The following STXBP4 variants were observed in gnomAD, a reference collection of about 807,000 sequenced individuals.
The protein encoded by STXBP4 is syntaxin binding protein 4.
Under a neutral mutation model 76.1 loss-of-function variants are expected in STXBP4, and 55 were observed. The ratio of observed to expected loss-of-function variants is 0.72; its 90% CI spans 0.58 to 0.91. The LOEUF (loss-of-function observed/expected upper bound fraction) is 0.91. Ranked by LOEUF, STXBP4 falls within the 40% of genes least tolerant of loss-of-function variation. The pLI, the probability that STXBP4 is intolerant of heterozygous loss-of-function variation, is 0.00. For missense variants in STXBP4, 618 were observed against 636.9 expected, an observed-to-expected ratio of 0.97 and a Z score of 0.32; for synonymous variants, 201 against 220.2, an observed-to-expected ratio of 0.91 and a Z score of 0.77.
At chr17:55,043,859 G>C in intron 11 of STXBP4, 1 of 549,254 alleles carries the variant, frequency 1.8e-6, no homozygotes, top group East Asian at 3.1e-5. Context: ...TTTTTGTTTT[G>C]TGTTTTTGAG....
intron 8 of STXBP4, among the ~76,000 whole-genome samples, chr17:55,012,996 A>C (rs570683084): frequency 2.0e-5 from 3 of 152,240 alleles, no homozygotes; most frequent in Non-Finnish European, 4.4e-5. Context: ...CTGATATTTA[A>C]GTAAACGGTT....
intron 13 of STXBP4, among the ~76,000 whole-genome samples, chr17:55,074,448 T>C (rs894417810): frequency 1.3e-5 from 2 of 152,198 alleles, no homozygotes; most frequent in African/African-American, 4.8e-5. Flanking sequence ...AGTAGATATG[T>C]GATAATGTTA....
chr17:55,103,280 T>C (rs2079588123), intron 16 of STXBP4, among the ~76,000 whole-genome samples: 1 of 152,254 alleles, frequency 6.6e-6, no homozygotes, highest in South Asian at 2.1e-4. Context: ...TATTTAAGTC[T>C]TTAATCCATC....
At chr17:54,988,962 G>A (rs188333292) in intron 3 of STXBP4, among the ~76,000 whole-genome samples, 74 of 152,112 alleles carry the variant, frequency 4.9e-4, no homozygotes, top group African/African-American at 1.7e-3. Flanking sequence ...AGTCAAAAAC[G>A]GAGTTCTATG....
chr17:55,200,884 C>T, the STXBP4 span, among the ~76,000 whole-genome samples: 4 of 152,146 alleles, frequency 2.6e-5, no homozygotes, highest in Non-Finnish European at 4.4e-5. Flanking sequence ...TAAACAAAGA[C>T]AATGGAAGAG....
At chr17:54,994,301 A>G (rs2077763392) in intron 4 of STXBP4, among the ~76,000 whole-genome samples, 1 of 152,170 alleles carries the variant, frequency 6.6e-6, no homozygotes. Context: ...TCCCTGATCA[A>G]CATTTTTACT....
intron 12 of STXBP4, among the ~76,000 whole-genome samples, chr17:55,070,272 A>C (rs1030930344): frequency 1.3e-5 from 2 of 152,136 alleles, no homozygotes; most frequent in African/African-American, 4.8e-5. Flanking sequence ...GTGTGGATTA[A>C]CTGAGTTGAT....
chr17:55,098,806 T>G (rs1166094433), intron 16 of STXBP4, among the ~76,000 whole-genome samples: 2 of 152,208 alleles, frequency 1.3e-5, no homozygotes, highest in Non-Finnish European at 2.9e-5. Flanking sequence ...GCACTTTATT[T>G]TTTGTTTGTT....
chr17:55,209,729 G>A, the STXBP4 span, among the ~76,000 whole-genome samples: 5 of 152,152 alleles, frequency 3.3e-5, no homozygotes, highest in African/African-American at 7.2e-5. Context: ...TGGACAACAG[G>A]GGACTTCATG....
intron 17 of STXBP4, among the ~76,000 whole-genome samples, chr17:55,151,472 T>C (rs1327496741): frequency 6.6e-6 from 1 of 152,208 alleles, no homozygotes; most frequent in Admixed American, 6.5e-5. Context: ...AAATGAATGA[T>C]CTCAATATTA....
intron 17 of STXBP4, among the ~76,000 whole-genome samples, chr17:55,143,353 T>C: frequency 6.6e-6 from 1 of 152,220 alleles, no homozygotes; most frequent in Non-Finnish European, 1.5e-5. Context: ...GAAATGTCAG[T>C]AAATGAGTCT....
At position 55,048,625 on chromosome 17, in the gene STXBP4, A is replaced by C. The variant is rs367593040; in HGVS notation, c.1011+1471A>C. On this transcript the variant is annotated intron_variant, in intron 12 of 17. Coordinates refer to ENST00000376352, the MANE Select transcript of STXBP4 (RefSeq NM_178509.6). ...GTAATAATAGATATTGATCACCCCC[A>C]AAAAAATCAGGAAAAAGTGAAATGA... Among the ~76,000 whole-genome samples the C allele has an allele frequency of 7.7e-3, 704 of 90,950 alleles. 7 individuals are homozygous for C. Among genetic ancestry groups the C allele is most frequent in the African/African-American group, 0.021 (669 of 32,124 alleles). The allele number at this position is 90,950 out of a possible 152,430, so 59.7% of individuals were successfully genotyped here.
intron 1 of STXBP4, among the ~76,000 whole-genome samples, chr17:54,982,349 A>G (rs1476530562): frequency 6.6e-6 from 1 of 152,148 alleles, no homozygotes; most frequent in Non-Finnish European, 1.5e-5. Flanking sequence ...TTTTAATGAG[A>G]TCATAAGTAA....
chr17:55,079,611 A>G (rs988888958), intron 15 of STXBP4, among the ~76,000 whole-genome samples: 1 of 151,780 alleles, frequency 6.6e-6, no homozygotes, highest in African/African-American at 2.4e-5. Flanking sequence ...AAAAAAAAAA[A>G]AAAAGAAATA....
chr17:55,055,944 A>G (rs945708727), intron 12 of STXBP4, among the ~76,000 whole-genome samples: 3 of 152,204 alleles, frequency 2.0e-5, no homozygotes, highest in Non-Finnish European at 2.9e-5. Context: ...TCTCTGATTT[A>G]TCTTACAACA....
intron 17 of STXBP4, among the ~76,000 whole-genome samples, chr17:55,151,663 C>T (rs767952006): frequency 3.9e-5 from 6 of 152,118 alleles, no homozygotes; most frequent in Middle Eastern, 6.3e-3. Context: ...ATCACTTCTA[C>T]GGTTTAGGGA....
rs1409585296 is a variant in STXBP4 at position 55,168,440 on chromosome 17, G to C, written c.*8529G>C. ...ACTGTTCATTGATTGTATTTCTTCT[G>C]TCTCTATAAGTACCATATTCCCAAT... On this transcript the variant is annotated 3_prime_UTR_variant, in exon 18 of 18. Coordinates refer to ENST00000376352, the MANE Select transcript of STXBP4 (RefSeq NM_178509.6). 1 of 151,912 alleles carries C rather than the reference G, an allele frequency of 6.6e-6. No homozygotes were observed. The highest frequency in any genetic ancestry group is 1.9e-4 in the East Asian group (1 of 5,186). The allele number at this position is 151,912 out of a possible 1,614,324, so 9.4% of individuals were successfully genotyped here. A position where few individuals can be genotyped will look rare whatever the true frequency, so the allele number is the denominator to read the frequency against.
At chr17:55,080,215 CATCA>C (rs2079238714) in intron 15 of STXBP4, among the ~76,000 whole-genome samples, 1 of 152,176 alleles carries the variant, frequency 6.6e-6, no homozygotes, top group East Asian at 1.9e-4. Context: ...TAAATAGCTA[CATCA>C]CGCAACATTT....
At chr17:55,142,038 T>C (rs2080099698) in intron 17 of STXBP4, among the ~76,000 whole-genome samples, 1 of 152,138 alleles carries the variant, frequency 6.6e-6, no homozygotes, top group Non-Finnish European at 1.5e-5. Context: ...GAGTCTTGAG[T>C]AGTTACCAAA....
Sources: gnomAD v4.1 joint callset for allele counts (sites outside exome capture counted in the v4.1 genomes callset) on GRCh38, gnomAD v4.1.1 for gene constraint, MANE v1.5 for transcripts, NCBI Gene and HGNC (gene_info 2026-07-23, HGNC 2026-07-21) for gene names.